TBCK: variants seen among roughly 807,000 people sequenced by gnomAD.
TBCK encodes TBC domain-containing protein kinase-like protein.
Under a neutral mutation model 113.4 loss-of-function variants are expected in TBCK, and 99 were observed. The ratio of observed to expected loss-of-function variants is 0.87; its 90% CI spans 0.74 to 1.03. The LOEUF (loss-of-function observed/expected upper bound fraction) is 1.03, where lower values mean the gene tolerates loss of function less well. TBCK is among the 50% of genes least tolerant of loss of function. TBCK has a pLI of 0.00. For missense variants in TBCK, 1,045 were observed against 1,061.3 expected (o/e 0.98, Z 0.21); for synonymous variants, 369 against 370.8 (o/e 1.00, Z 0.05).
chr4:106,181,572 C>G (rs757833691), intron 22 of TBCK, among the ~76,000 whole-genome samples: 1 of 152,126 alleles, frequency 6.6e-6, no homozygotes, highest in Non-Finnish European at 1.5e-5. Context: ...GGTCCAGTTT[C>G]AGTTTTCTGC....
At chr4:106,265,508 GAGAGAGAGAGA>G in intron 3 of TBCK, among the ~76,000 whole-genome samples, 1 of 129,440 alleles carries the variant, frequency 7.7e-6, no homozygotes, top group Non-Finnish European at 1.7e-5. Context: ...TTAATTCCAG[GAGAGAGAGAGA>G]TCCAGAGATC....
At chr4:106,198,596 G>C (rs6815014) in intron 20 of TBCK, among the ~76,000 whole-genome samples, 2 of 151,878 alleles carry the variant, frequency 1.3e-5, no homozygotes, top group Non-Finnish European at 2.9e-5. Context: ...TATTTTTTAT[G>C]ATACCTATCC....
intron 20 of TBCK, among the ~76,000 whole-genome samples, chr4:106,197,341 A>AGAGT (rs1553957844): frequency 7.0e-6 from 1 of 142,266 alleles, no homozygotes; most frequent in African/African-American, 2.6e-5. Flanking sequence ...ATTACTGAAG[A>AGAGT]GTGTGTGTGT....
intron 17 of TBCK, 76 bp from the exon 18 acceptor site, chr4:106,231,855 T>A: frequency 8.0e-7 from 1 of 1,249,544 alleles, no homozygotes; most frequent in Non-Finnish European, 1.1e-6. Flanking sequence ...CCTTATTCAA[T>A]TCTTTGCATT....
At chr4:106,129,846 CAA>C (rs906429982) in intron 23 of TBCK, among the ~76,000 whole-genome samples, 3 of 152,166 alleles carry the variant, frequency 2.0e-5, no homozygotes, top group African/African-American at 7.2e-5. Context: ...TAGACTGCGT[CAA>C]GAGGGACTTT....
intron 23 of TBCK, among the ~76,000 whole-genome samples, chr4:106,153,498 G>T (rs1403756527): frequency 6.6e-6 from 1 of 152,062 alleles, no homozygotes; most frequent in Non-Finnish European, 1.5e-5. Context: ...AGAACATATG[G>T]TCTATCTCAG....
chr4:106,169,782 C>A (rs111641853), intron 23 of TBCK, among the ~76,000 whole-genome samples: 4,099 of 152,128 alleles, frequency 0.027, 178 homozygotes, highest in African/African-American at 0.094. Flanking sequence ...GAGCCCTGAG[C>A]TTGTTTTCCT....
At chr4:106,129,731 G>A (rs1433032862) in intron 23 of TBCK, among the ~76,000 whole-genome samples, 1 of 152,178 alleles carries the variant, frequency 6.6e-6, no homozygotes, top group Non-Finnish European at 1.5e-5. Context: ...TACAGTCATA[G>A]AAATACAAAA....
chr4:106,303,790 T>A (rs72878541), intron 2 of TBCK, among the ~76,000 whole-genome samples: 4,095 of 152,240 alleles, frequency 0.027, 179 homozygotes, highest in African/African-American at 0.094. Context: ...TTTTGCCTGA[T>A]AAGAGACCAT....
intron 25 of TBCK, among the ~76,000 whole-genome samples, chr4:106,047,646 A>C (rs1734361090): frequency 6.6e-6 from 1 of 152,070 alleles, no homozygotes; most frequent in Non-Finnish European, 1.5e-5. Flanking sequence ...GCCTTACCTC[A>C]TTTATTTAAA....
intron 25 of TBCK, among the ~76,000 whole-genome samples, chr4:106,063,641 T>C (rs958344757): frequency 6.6e-6 from 1 of 151,888 alleles, no homozygotes; most frequent in Admixed American, 6.6e-5. Flanking sequence ...TCTGAATGTT[T>C]GTGTCTTCCC....
intron 1 of TBCK, among the ~76,000 whole-genome samples, chr4:106,312,867 T>A (rs1315280108): frequency 1.3e-5 from 2 of 152,180 alleles, no homozygotes; most frequent in Non-Finnish European, 2.9e-5. Context: ...ATTCCAGAAC[T>A]ATAGTTCTAA....
intron 24 of TBCK, among the ~76,000 whole-genome samples, chr4:106,095,989 T>G (rs891037245): frequency 6.6e-6 from 1 of 152,058 alleles, no homozygotes; most frequent in African/African-American, 2.4e-5. Context: ...ACAATTTAAA[T>G]TTTCTAGTCA....
intron 22 of TBCK, among the ~76,000 whole-genome samples, chr4:106,188,087 GGA>G (rs1375137949): frequency 6.6e-6 from 1 of 152,096 alleles, no homozygotes; most frequent in Non-Finnish European, 1.5e-5. Context: ...AGTACTATGT[GGA>G]ATAGGAGTGG....
intron 3 of TBCK, among the ~76,000 whole-genome samples, chr4:106,280,155 A>G (rs1158920565): frequency 6.6e-6 from 1 of 152,078 alleles, no homozygotes; most frequent in Non-Finnish European, 1.5e-5. Context: ...ATCTTAGTGT[A>G]GTTTTGATTT....
Position 106,170,806 on chromosome 4 carries a change from T to C in TBCK, c.2235+289A>G, listed in dbSNP as rs548664251. 9.6e-4 allele frequency among the ~76,000 whole-genome samples: 146 copies of C among 152,230 alleles called. 1 individual carries two copies. The highest frequency in any genetic ancestry group is 9.6e-3 in the Admixed American group (146 of 15,272). ...TTTTTTAATTCTTTCTTTGCTTCTG[T>C]AATCTCTCACTATATAACCAATTGA... On this transcript the variant is annotated intron_variant, in intron 23 of 25. Coordinates refer to ENST00000394708, the MANE Select transcript of TBCK (RefSeq NM_001163435.3).
chr4:106,242,366 C>T (rs1335155686), intron 12 of TBCK, 104 bp downstream of exon 12: 1 of 671,102 alleles, frequency 1.5e-6, no homozygotes, highest in South Asian at 2.5e-5. Context: ...GAAGCTCTCC[C>T]ATATTTTGTG....
intron 25 of TBCK, among the ~76,000 whole-genome samples, chr4:106,076,833 T>A (rs1435769587): frequency 1.3e-5 from 2 of 152,146 alleles, no homozygotes; most frequent in Admixed American, 6.5e-5. Flanking sequence ...CTGACTGCAG[T>A]GGCTCATGCT....
chr4:106,234,015 A>G (rs1011336660), intron 15 of TBCK, among the ~76,000 whole-genome samples: 1 of 152,152 alleles, frequency 6.6e-6, no homozygotes, highest in Middle Eastern at 3.2e-3. Flanking sequence ...TAGAATCATT[A>G]GGGCCTAAAG....
Sources: allele counts gnomAD v4.1 joint callset (sites outside exome capture counted in the v4.1 genomes callset), GRCh38; gene constraint gnomAD v4.1.1; transcripts MANE v1.5; gene names NCBI Gene and HGNC (gene_info 2026-07-23, HGNC 2026-07-21).